The following STK10 variants were observed in gnomAD, a reference collection of about 807,000 sequenced individuals.
STK10 encodes serine/threonine kinase 10, also known as serine/threonine-protein kinase 10.
Under a neutral mutation model 113.8 loss-of-function variants are expected in STK10, and 78 were observed. The ratio of observed to expected loss-of-function variants is 0.69; its 90% CI spans 0.57 to 0.83. The LOEUF is 0.83. STK10 is among the 40% of genes least tolerant of loss of function. STK10 has a pLI of 0.00. For synonymous variants in STK10, 465 were observed against 494.7 expected (o/e 0.94, Z 0.80); for missense variants, 1,109 against 1,280.1 (o/e 0.87, Z 2.04).
At position 172,117,766 on chromosome 5, in the gene STK10, G is replaced by C. The variant is rs1244285406; in HGVS notation, c.371-136C>G. 4 of 1,249,852 alleles carry C rather than the reference G, an allele frequency of 3.2e-6. 1 individual carries two copies. In the Admixed American group the frequency reaches 7.8e-5, roughly 24 times the overall value. 77.4% of individuals were successfully genotyped at this position (1,249,852 alleles called of 1,614,324 possible). ...GTGGTGGCTCACGCCTGTAATCCCA[G>C]CACTTTGAGAGGCCGAGGCAGGTGG... is the stretch of plus-strand genomic sequence containing the variant. On this transcript the variant is annotated intron_variant, in intron 3 of 18. Coordinates refer to ENST00000176763, the MANE Select transcript of STK10 (RefSeq NM_005990.4).
At position 172,055,705 on chromosome 5, in the gene STK10, CT is replaced by C. The variant is rs1236359021; in HGVS notation, c.2408del (p.Lys803ArgfsTer75). On this transcript the variant is annotated frameshift_variant, in exon 16 of 19. Coordinates refer to ENST00000176763, the MANE Select transcript of STK10 (RefSeq NM_005990.4). LOFTEE classifies it high-confidence loss of function. The part of the protein sequence containing the change: ...EQLKVRQQQE[K>X]ARLPKIQRSE... ...TCCTCTGGATCTTGGGCAGCCGCGCCTTTTCCTGTTGCTGCCGCACCTTCAG... is the reference window on the plus strand; with the variant it reads ...TCCTCTGGATCTTGGGCAGCCGCGCCTTTCCTGTTGCTGCCGCACCTTCAG... 7.6e-6 allele frequency: 12 copies of C among 1,582,644 alleles called. No homozygotes were observed. The highest frequency in any genetic ancestry group is 4.6e-5 in the East Asian group (2 of 43,030).
chr5:172,094,644 A>G (rs972488786), intron 8 of STK10, among the ~76,000 whole-genome samples: 1 of 152,188 alleles, frequency 6.6e-6, no homozygotes, highest in African/African-American at 2.4e-5. Context: ...TCGGCCTCCC[A>G]AAGTGCTGGG....
At chr5:172,084,838 G>C (rs776437887) in intron 10 of STK10, among the ~76,000 whole-genome samples, 4 of 152,128 alleles carry the variant, frequency 2.6e-5, no homozygotes, top group Non-Finnish European at 5.9e-5. Context: ...AAATGTTCCA[G>C]TGAGAATTTG....
intron 2 of STK10, among the ~76,000 whole-genome samples, chr5:172,141,012 C>T (rs1443310721): frequency 6.6e-6 from 1 of 152,062 alleles, no homozygotes; most frequent in African/African-American, 2.4e-5. Flanking sequence ...AAGCCAGTCA[C>T]GGAAAGGCAA....
intron 12 of STK10, among the ~76,000 whole-genome samples, chr5:172,081,752 G>T (rs1398716195): frequency 6.6e-6 from 1 of 152,166 alleles, no homozygotes; most frequent in Non-Finnish European, 1.5e-5. Context: ...TGGCGTTCCT[G>T]CCCTGGGGGC....
At chr5:172,141,910 G>A (rs1769980267) in intron 2 of STK10, among the ~76,000 whole-genome samples, 1 of 152,182 alleles carries the variant, frequency 6.6e-6, no homozygotes, top group Non-Finnish European at 1.5e-5. Context: ...AAGGGTTGGG[G>A]CCTTGCTACG....
chr5:172,128,896 T>C (rs557575472), intron 2 of STK10, among the ~76,000 whole-genome samples: 1 of 152,258 alleles, frequency 6.6e-6, no homozygotes, highest in Non-Finnish European at 1.5e-5. Flanking sequence ...GCCTCAGGAA[T>C]TTGATGAAGC....
intron 2 of STK10, among the ~76,000 whole-genome samples, chr5:172,145,419 ACAGGTAGGAGTCAAAC>A (rs1171738450): frequency 5.3e-5 from 8 of 151,928 alleles, no homozygotes; most frequent in African/African-American, 1.9e-4. Context: ...TCCTTGAGGG[ACAGGTAGGAGTCAAAC>A]CAAGGCGGCG....
At chr5:172,140,063 T>A (rs1481317671) in intron 2 of STK10, among the ~76,000 whole-genome samples, 1 of 151,522 alleles carries the variant, frequency 6.6e-6, no homozygotes, top group Non-Finnish European at 1.5e-5. Context: ...CCAAAATATA[T>A]AAGGAACTCC....
chr5:172,115,140 CT>C (rs1769349566), intron 4 of STK10: 1 of 152,322 alleles, frequency 6.6e-6, no homozygotes, highest in Non-Finnish European at 1.5e-5. Flanking sequence ...GGGGCGAGGG[CT>C]ACTTCCGTGT....
intron 5 of STK10, 22 bp from the exon 6 acceptor site, chr5:172,106,836 A>T: frequency 6.2e-7 from 1 of 1,606,280 alleles, no homozygotes; most frequent in Non-Finnish European, 8.5e-7. Flanking sequence ...AAGGGACAAC[A>T]TAGGGCTAAG....
chr5:172,097,745 A>C (rs896893461), intron 7 of STK10, among the ~76,000 whole-genome samples: 1 of 152,224 alleles, frequency 6.6e-6, no homozygotes, highest in African/African-American at 2.4e-5. Flanking sequence ...TTGGGTGGAC[A>C]TATGTGTTTG....
chr5:172,184,703 G>C (rs1770920764), intron 1 of STK10, among the ~76,000 whole-genome samples: 1 of 152,156 alleles, frequency 6.6e-6, no homozygotes, highest in Non-Finnish European at 1.5e-5. Context: ...CCAGACTCGA[G>C]TGCAGCGGCA....
chr5:172,059,585 T>C (rs374916439), intron 14 of STK10, among the ~76,000 whole-genome samples: 2 of 152,158 alleles, frequency 1.3e-5, no homozygotes, highest in Non-Finnish European at 2.9e-5. Context: ...CAAGCCACCG[T>C]TGCCCTTTGC....
At chr5:172,105,549 C>A in intron 7 of STK10, 107 bp downstream of exon 7, 1 of 1,168,706 alleles carries the variant, frequency 8.6e-7, no homozygotes. Context: ...AAACAGCTGT[C>A]CATGCTGTTC....
chr5:172,146,990 T>G (rs1292399974), intron 2 of STK10, among the ~76,000 whole-genome samples: 1 of 152,184 alleles, frequency 6.6e-6, no homozygotes. Context: ...CAGTTGCACG[T>G]CGAGGCCTCT....
At chr5:172,149,504 GTGTGTGTGTGTGTGTGTC>G (rs1297961607) in intron 2 of STK10, among the ~76,000 whole-genome samples, 5 of 149,980 alleles carry the variant, frequency 3.3e-5, no homozygotes, top group African/African-American at 1.3e-4. Context: ...TCGTGTGTGT[GTGTGTGTGTGTGTGTGTC>G]TGTGTGTGTG....
chr5:172,054,335 A>G (rs997282510), intron 17 of STK10, among the ~76,000 whole-genome samples: 2 of 152,188 alleles, frequency 1.3e-5, no homozygotes, highest in South Asian at 2.1e-4. Flanking sequence ...CACAGCAGGA[A>G]TGGTCATCCC....
rs187807780 is a variant in STK10 at position 172,138,181 on chromosome 5, G to A, written c.322-10760C>T. The stretch of plus-strand genomic sequence containing the variant: ...CTGTCACCCAGGCTGGAGTGCAGTG[G>A]CACAATCTTGGCTCACTGCAACTTC... On this transcript the variant is annotated intron_variant, in intron 2 of 18. Transcript: ENST00000176763. Among the ~76,000 whole-genome samples, 930 of 152,208 alleles carry A rather than the reference G, an allele frequency of 6.1e-3. 13 individuals are homozygous for A. Among genetic ancestry groups the A allele is most frequent in the African/African-American group, 0.021 (892 of 41,552 alleles).
Sources: gnomAD v4.1 joint callset for allele counts (sites outside exome capture counted in the v4.1 genomes callset) on GRCh38, gnomAD v4.1.1 for gene constraint, MANE v1.5 for transcripts, NCBI Gene and HGNC (gene_info 2026-07-23, HGNC 2026-07-21) for gene names.